CTNND1: variants seen among roughly 807,000 people sequenced by gnomAD.
The protein encoded by CTNND1 is catenin delta-1.
Under a neutral mutation model 112.1 loss-of-function variants are expected in CTNND1, and 16 were observed. The ratio of observed to expected loss-of-function variants is 0.14; its 90% CI spans 0.10 to 0.22. The LOEUF (loss-of-function observed/expected upper bound fraction) is 0.22, where lower values mean the gene tolerates loss of function less well. Ranked by LOEUF, CTNND1 falls within the 10% of genes least tolerant of loss-of-function variation. The probability of loss-of-function intolerance (pLI) is 1.00; values close to 1 mark genes in which losing one functional copy is unlikely to be tolerated. For synonymous variants in CTNND1, 420 were observed against 446.5 expected, an observed-to-expected ratio of 0.94 and a Z score of 0.75; for missense variants, 1,008 against 1,257.0, an observed-to-expected ratio of 0.80 and a Z score of 3.00.
At chr11:57,816,091 C>G in intron 20 of CTNND1, 90 bp downstream of exon 20, 1 of 1,259,820 alleles carries the variant, frequency 7.9e-7, no homozygotes, top group Non-Finnish European at 1.1e-6. Flanking sequence ...CTGATCAGGC[C>G]AGAGACTAAG....
intron 1 of CTNND1, among the ~76,000 whole-genome samples, chr11:57,785,190 A>C (rs577741785): frequency 6.6e-6 from 1 of 152,328 alleles, no homozygotes; most frequent in African/African-American, 2.4e-5. Context: ...ACAAACTTCA[A>C]AAACTCCACC....
At position 57,806,941 on chromosome 11, in the gene CTNND1, A is replaced by T; in HGVS notation, c.1921A>T (p.Asn641Tyr). 1 of 1,601,618 alleles carries T rather than the reference A, an allele frequency of 6.2e-7. No individual in the cohort carries two copies. The highest frequency in any genetic ancestry group is 8.5e-7 in the Non-Finnish European group (1 of 1,173,870). Residue 641 changes from asparagine (N) to tyrosine (Y), a missense_variant, in exon 12 of 21, where the codon AAC (asparagine) becomes TAC (tyrosine). Around this residue, in one of 5 missense-constraint regions of CTNND1, gnomAD observed 254 missense variants for 279.5 expected, o/e 0.91. Coordinates refer to ENST00000399050, the MANE Select transcript of CTNND1 (RefSeq NM_001085458.2). ...RGKKPIEDPANDTVDFPKRTS... is the reference protein window; with the variant it reads ...RGKKPIEDPAYDTVDFPKRTS... ...GAAAAAACCTATAGAGGATCCAGCA[A>T]ACGATACAGTGGATTTCCCTAAAAG... is the stretch of plus-strand genomic sequence containing the variant.
Position 57,762,816 on chromosome 11 carries a change from T to A in CTNND1, c.-214+697T>A, listed in dbSNP as rs1950172950. ...GATAGCAAAGATTTGTGGAGGTGTTTGTTAAATCTGCAAATACGATAACGT... is the reference window on the plus strand; with the variant it reads ...GATAGCAAAGATTTGTGGAGGTGTTAGTTAAATCTGCAAATACGATAACGT... On this transcript the variant is annotated intron_variant, in intron 1 of 20. Coordinates refer to ENST00000399050, the MANE Select transcript of CTNND1 (RefSeq NM_001085458.2). Among the ~76,000 whole-genome samples, 3 of 152,356 alleles carry A rather than the reference T, an allele frequency of 2.0e-5. 1 individual carries two copies. In the South Asian group the frequency reaches 6.2e-4, roughly 32 times the overall value.
rs759024257 is a variant in CTNND1 at position 57,802,092 on chromosome 11, G to A, written c.1316G>A (p.Arg439His). 2 of 1,614,036 alleles carry A rather than the reference G, an allele frequency of 1.2e-6. No individual in the cohort carries two copies. The highest frequency in any genetic ancestry group is 2.2e-5 in the East Asian group (1 of 44,886). ...CGALKNISFG[R>H]DQDNKIAIKN... ...GCTCTCAAGAATATCTCTTTTGGACGTGACCAGGATAACAAGATTGCCATA... is the reference window on the plus strand; with the variant it reads ...GCTCTCAAGAATATCTCTTTTGGACATGACCAGGATAACAAGATTGCCATA... The change falls in exon 7 of 21, where the codon CGT (arginine) becomes CAT (histidine). Residue 439 changes from arginine (R) to histidine (H), a missense_variant. Transcript: ENST00000399050.
At chr11:57,789,686 A>G (rs541556053) in intron 2 of CTNND1, among the ~76,000 whole-genome samples, 2 of 152,332 alleles carry the variant, frequency 1.3e-5, no homozygotes, top group African/African-American at 4.8e-5. Flanking sequence ...TGCAAAAAAA[A>G]AAATCTCATA....
chr11:57,798,057 G>A (rs962039803), intron 6 of CTNND1, among the ~76,000 whole-genome samples: 2 of 151,628 alleles, frequency 1.3e-5, no homozygotes, highest in African/African-American at 4.8e-5. Flanking sequence ...TTGGTATTAA[G>A]AACAGAGTCC....
In CTNND1 at chr11:57,796,583, C is replaced by T. The variant is rs746989296; in HGVS notation, c.547C>T (p.Arg183Cys). The change falls in exon 6 of 21, where the codon CGC (arginine) becomes TGC (cysteine). Residue 183 changes from arginine to cysteine, a missense_variant. Arg to Cys is a radical substitution (Grantham distance 180). This residue lies in a region of CTNND1 where 404 missense variants were observed against 457.9 expected (regional missense o/e 0.88). Coordinates refer to ENST00000399050, the MANE Select transcript of CTNND1 (RefSeq NM_001085458.2). ...NYIQTLGRDF[R>C]KNGNGGPGPY... ...TATCCAGACTTTGGGTCGTGATTTC[C>T]GCAAGAATGGCAATGGGGGACCTGG... The T allele has an allele frequency of 1.1e-5, 17 of 1,613,820 alleles. No homozygotes were observed. Among genetic ancestry groups the T allele is most frequent in the East Asian group, 4.5e-5 (2 of 44,888 alleles).
At chr11:57,787,713 C>A (rs745958107) in intron 1 of CTNND1, among the ~76,000 whole-genome samples, 3 of 152,192 alleles carry the variant, frequency 2.0e-5, no homozygotes, top group Non-Finnish European at 4.4e-5. Flanking sequence ...TCCCATATGG[C>A]CTCTGCTTCT....
intron 1 of CTNND1, chr11:57,763,989 G>C (rs904079199): frequency 8.5e-5 from 13 of 152,156 alleles, no homozygotes; most frequent in Admixed American, 7.9e-4. Flanking sequence ...GAGCCTTTGG[G>C]GTGATAAGAT....
Position 57,789,130 on chromosome 11 carries a change from A to G in CTNND1, c.-120A>G. ...ACTGGGCTGTTCTCTGTGTTAAACCAATCAGTTGCGACCTTCTCTTAACAG... is the reference window on the plus strand; with the variant it reads ...ACTGGGCTGTTCTCTGTGTTAAACCGATCAGTTGCGACCTTCTCTTAACAG... On this transcript the variant is annotated 5_prime_UTR_variant, in exon 2 of 21. Coordinates refer to ENST00000399050, the MANE Select transcript of CTNND1 (RefSeq NM_001085458.2). The G allele has an allele frequency of 2.6e-6, 4 of 1,533,472 alleles. No individual in the cohort carries two copies. Among genetic ancestry groups the G allele is most frequent in the Non-Finnish European group, 3.5e-6 (4 of 1,145,758 alleles). The allele number at this position is 1,533,472 out of a possible 1,614,324, so 95.0% of individuals were successfully genotyped here.
In CTNND1 at chr11:57,791,543, A is replaced by T; in HGVS notation, c.65A>T (p.Gln22Leu). Residue 22 changes from glutamine to leucine, a missense_variant, in exon 3 of 21, where the codon CAG becomes CTG. Gln to Leu is a moderately radical substitution (Grantham distance 113). Coordinates refer to ENST00000399050, the MANE Select transcript of CTNND1 (RefSeq NM_001085458.2). ...ILASVKEQEA[Q>L]FEKLTRALEE... Reference sequence around the variant, plus strand: ...GCCTCTGTGAAGGAACAAGAGGCCCAGTTTGAGAAGCTGACCCGGGCGCTG... The same window carrying T: ...GCCTCTGTGAAGGAACAAGAGGCCCTGTTTGAGAAGCTGACCCGGGCGCTG... 6.2e-7 allele frequency: 1 copy of T among 1,609,454 alleles called. No homozygotes were observed. Among genetic ancestry groups the T allele is most frequent in the Non-Finnish European group, 8.5e-7 (1 of 1,178,162 alleles).
At chr11:57,775,020 GTTTTT>G (rs776805174) in intron 1 of CTNND1, among the ~76,000 whole-genome samples, 1 of 138,674 alleles carries the variant, frequency 7.2e-6, no homozygotes, top group Admixed American at 7.3e-5. Context: ...GCCTATGAGG[GTTTTT>G]TTTTTTTTTT....
intron 1 of CTNND1, among the ~76,000 whole-genome samples, chr11:57,787,164 G>A (rs1188613720): frequency 2.0e-5 from 3 of 152,140 alleles, no homozygotes; most frequent in East Asian, 1.9e-4. Flanking sequence ...TTTCTCCAAG[G>A]TAATAAATTG....
At chr11:57,811,093 A>G (rs1365059803) in intron 16 of CTNND1, among the ~76,000 whole-genome samples, 1 of 152,178 alleles carries the variant, frequency 6.6e-6, no homozygotes, top group Non-Finnish European at 1.5e-5. Flanking sequence ...ATGAAGGATG[A>G]TGGCCTTTTT....
chr11:57,787,439 A>G (rs1209035515), intron 1 of CTNND1, among the ~76,000 whole-genome samples: 1 of 152,212 alleles, frequency 6.6e-6, no homozygotes, highest in African/African-American at 2.4e-5. Context: ...GAAGTGTTAA[A>G]CCAACTTTTG....
chr11:57,788,808 G>A lies in CTNND1; in HGVS notation c.-213-229G>A, dbSNP rs11570182. ...GTTATATATGGAAATACAAATAGAGGAGCTCTCACTTGACAGTAGAATCCA... is the reference window on the plus strand; with the variant it reads ...GTTATATATGGAAATACAAATAGAGAAGCTCTCACTTGACAGTAGAATCCA... On this transcript the variant is annotated intron_variant, in intron 1 of 20. Transcript: ENST00000399050. The surrounding 1 kb of genome is among the most constrained non-coding windows in gnomAD (Gnocchi z 4.1). 5.4e-3 allele frequency among the ~76,000 whole-genome samples: 823 copies of A among 152,224 alleles called. 10 individuals are homozygous for A. Among genetic ancestry groups the A allele is most frequent in the African/African-American group, 0.019 (785 of 41,520 alleles).
At chr11:57,776,534 T>G (rs2136196692) in intron 1 of CTNND1, among the ~76,000 whole-genome samples, 1 of 152,260 alleles carries the variant, frequency 6.6e-6, no homozygotes, top group Admixed American at 6.5e-5. Context: ...TGTGGGAAGT[T>G]AGACAGCAAA....
intron 6 of CTNND1, among the ~76,000 whole-genome samples, chr11:57,800,795 A>G (rs1053697862): frequency 6.6e-6 from 1 of 152,230 alleles, no homozygotes; most frequent in Non-Finnish European, 1.5e-5. Flanking sequence ...GAAAGAGATG[A>G]GCTCACAGAT....
chr11:57,807,087 C>G, intron 12 of CTNND1, 104 bp downstream of exon 12: 1 of 886,086 alleles, frequency 1.1e-6, no homozygotes, highest in Non-Finnish European at 1.8e-6. Flanking sequence ...ATTGTCCTCT[C>G]TTTTCCAACT....
Sources: gnomAD v4.1 joint callset for allele counts (sites outside exome capture counted in the v4.1 genomes callset) on GRCh38, gnomAD v4.1.1 for gene constraint, gnomAD v4.1.1 regional missense constraint, Gnocchi (gnomAD v3.1) non-coding constraint, MANE v1.5 for transcripts, NCBI Gene and HGNC (gene_info 2026-07-23, HGNC 2026-07-21) for gene names.